PAX5: variants seen among roughly 807,000 people sequenced by gnomAD.
The protein encoded by PAX5 is paired box protein Pax-5.
PAX5 carries 9 observed loss-of-function variants against 43.7 expected under a neutral mutation model. The observed-to-expected ratio is 0.21, with a 90% CI of 0.12 to 0.36. The LOEUF (loss-of-function observed/expected upper bound fraction) is 0.36, where lower values mean the gene tolerates loss of function less well. PAX5 is among the 10% of genes least tolerant of loss of function. PAX5 has a pLI of 1.00. For missense variants in PAX5, 383 were observed against 532.7 expected (o/e 0.72, Z 2.77); for synonymous variants, 228 against 214.3 (o/e 1.06, Z -0.56).
In PAX5 at chr9:36,981,975, A is replaced by T. The variant is rs569223867; in HGVS notation, c.605-15251T>A. Among the ~76,000 whole-genome samples the T allele has an allele frequency of 1.7e-3, 258 of 152,386 alleles. 3 individuals are homozygous for T. The highest frequency in any genetic ancestry group is 0.01 in the Middle Eastern group (3 of 294). ...ACAGAAGCCATTTGCTAAATTAAAA[A>T]GAACAAGGGATGGACCCTGTGGCTC... On this transcript the variant is annotated intron_variant, in intron 5 of 9. Transcript: ENST00000358127.
At chr9:37,030,808 G>C (rs1840909635) in intron 1 of PAX5, among the ~76,000 whole-genome samples, 1 of 152,174 alleles carries the variant, frequency 6.6e-6, no homozygotes. Context: ...GGCTGCTACA[G>C]TGTTCTAGTA....
chr9:36,937,029 G>A (rs1055207916), intron 6 of PAX5, among the ~76,000 whole-genome samples: 2 of 152,098 alleles, frequency 1.3e-5, no homozygotes, highest in African/African-American at 4.8e-5. Context: ...ACTGTGCAAG[G>A]CAACTACCAG....
intron 7 of PAX5, among the ~76,000 whole-genome samples, chr9:36,895,704 G>A (rs887957608): frequency 6.6e-6 from 1 of 152,226 alleles, no homozygotes; most frequent in Non-Finnish European, 1.5e-5. Context: ...GCTGAGAGAA[G>A]TGAAGTAACT....
At chr9:36,860,393 T>A (rs1824098945) in intron 8 of PAX5, among the ~76,000 whole-genome samples, 1 of 151,614 alleles carries the variant, frequency 6.6e-6, no homozygotes, top group African/African-American at 2.4e-5. Flanking sequence ...AGGCCATATC[T>A]CATACTAGTT....
At chr9:36,997,615 C>T (rs1837499187) in intron 5 of PAX5, among the ~76,000 whole-genome samples, 1 of 152,254 alleles carries the variant, frequency 6.6e-6, no homozygotes, top group Admixed American at 6.5e-5. Flanking sequence ...GACTCAGCCT[C>T]CATTCCCCTC....
intron 4 of PAX5, among the ~76,000 whole-genome samples, chr9:37,004,687 T>A (rs1387039723): frequency 6.6e-6 from 1 of 152,234 alleles, no homozygotes. Flanking sequence ...TTTTCTGTAT[T>A]AACATGTAAA....
chr9:36,897,255 C>T lies in PAX5; in HGVS notation c.911-15150G>A, dbSNP rs941245979. Among the ~76,000 whole-genome samples the T allele has an allele frequency of 2.6e-5, 4 of 152,232 alleles. No individual in the cohort carries two copies. The East Asian group carries it at 7.7e-4, about 29-fold the overall frequency. ...CGAGCTGGGCTTAGCAGAGGACATG[C>T]GACTGTGAGCGGCCTTCACGCTGGC... On this transcript the variant is annotated intron_variant, in intron 7 of 9. Coordinates refer to ENST00000358127, the MANE Select transcript of PAX5 (RefSeq NM_016734.3).
chr9:36,935,455 C>T (rs1831473343), intron 6 of PAX5, among the ~76,000 whole-genome samples: 1 of 152,172 alleles, frequency 6.6e-6, no homozygotes, highest in African/African-American at 2.4e-5. Context: ...TATACAGTTT[C>T]AGTGACTCAT....
chr9:36,853,291 G>T (rs992304075), intron 8 of PAX5, among the ~76,000 whole-genome samples: 5 of 152,120 alleles, frequency 3.3e-5, no homozygotes, highest in Non-Finnish European at 7.4e-5. Context: ...TGCTATTGCT[G>T]TGTTTTGACA....
intron 5 of PAX5, among the ~76,000 whole-genome samples, chr9:36,971,170 G>A (rs866417939): frequency 6.6e-6 from 1 of 152,190 alleles, no homozygotes; most frequent in Non-Finnish European, 1.5e-5. Flanking sequence ...AGAGGAGGTG[G>A]CAAACAGTAA....
chr9:36,915,950 G>T (rs1348455718), intron 7 of PAX5, among the ~76,000 whole-genome samples: 2 of 151,668 alleles, frequency 1.3e-5, no homozygotes, highest in Admixed American at 1.3e-4. Context: ...GCATGCCTGT[G>T]GTCCCAGCTG....
chr9:36,853,602 GAA>G (rs1823368955), intron 8 of PAX5, among the ~76,000 whole-genome samples: 1 of 152,220 alleles, frequency 6.6e-6, no homozygotes, highest in African/African-American at 2.4e-5. Flanking sequence ...GACACAGAGA[GAA>G]AGCAGAGCCT....
chr9:36,923,331 C>A, intron 7 of PAX5, 24 bp downstream of exon 7: 4 of 1,602,150 alleles, frequency 2.5e-6, no homozygotes, highest in Non-Finnish European at 2.6e-6. Flanking sequence ...CCTCACTCAT[C>A]CCCCATGCCC....
intron 6 of PAX5, among the ~76,000 whole-genome samples, chr9:36,965,963 G>C (rs956163632): frequency 6.6e-6 from 1 of 152,182 alleles, no homozygotes; most frequent in African/African-American, 2.4e-5. Context: ...GCAGACAGCC[G>C]GTCAGCCAGG....
At chr9:37,025,499 A>G (rs1840255156) in intron 1 of PAX5, among the ~76,000 whole-genome samples, 1 of 152,202 alleles carries the variant, frequency 6.6e-6, no homozygotes, top group South Asian at 2.1e-4. Flanking sequence ...TGAAGCCCGC[A>G]GAGACCCCGA....
rs773785626 is a variant in PAX5, at chr9:36,862,697, C to T, written c.1013-15768G>A. Among the ~76,000 whole-genome samples, 7 of 152,134 alleles carry T rather than the reference C, an allele frequency of 4.6e-5. No homozygotes were observed. The South Asian group carries it at 8.3e-4, about 18-fold the overall frequency. ...TTGGGTTCAGCCCTGCCCAGGTTTGCGTGCCTGTTTCCCGTCTTGGCCCAC... is the reference window on the plus strand; with the variant it reads ...TTGGGTTCAGCCCTGCCCAGGTTTGTGTGCCTGTTTCCCGTCTTGGCCCAC... On this transcript the variant is annotated intron_variant, in intron 8 of 9. Transcript: ENST00000358127.
chr9:36,859,189 A>T (rs1823953317), intron 8 of PAX5, among the ~76,000 whole-genome samples: 1 of 152,154 alleles, frequency 6.6e-6, no homozygotes, highest in Non-Finnish European at 1.5e-5. Flanking sequence ...TGGGGCTGGA[A>T]GAGGCGGAGA....
At chr9:37,004,540 G>A (rs1435202454) in intron 4 of PAX5, among the ~76,000 whole-genome samples, 1 of 152,192 alleles carries the variant, frequency 6.6e-6, no homozygotes, top group Non-Finnish European at 1.5e-5. Context: ...CAAACCTAGA[G>A]GGAGCCATGC....
chr9:36,989,738 G>A (rs759255609), intron 5 of PAX5, among the ~76,000 whole-genome samples: 1 of 152,178 alleles, frequency 6.6e-6, no homozygotes, highest in Non-Finnish European at 1.5e-5. Context: ...CAGGACTTGG[G>A]GAACGTTTGA....
Sources: gnomAD v4.1 joint callset for allele counts (sites outside exome capture counted in the v4.1 genomes callset) on GRCh38, gnomAD v4.1.1 for gene constraint, MANE v1.5 for transcripts, NCBI Gene and HGNC (gene_info 2026-07-23, HGNC 2026-07-21) for gene names.